The following ATRNL1 variants were observed in gnomAD, a reference collection of about 807,000 sequenced individuals.
ATRNL1 encodes attractin like 1.
In ATRNL1, 95 loss-of-function variants were observed where a neutral mutation model predicts 182.7. The observed-to-expected ratio is 0.52, with a 90% CI of 0.44 to 0.62. ATRNL1 has a LOEUF of 0.62. ATRNL1 is among the 20% of genes least tolerant of loss of function. ATRNL1 has a pLI of 0.00. For synonymous variants in ATRNL1, 576 were observed against 568.3 expected (o/e 1.01, Z -0.19); for missense variants, 1,471 against 1,679.5 (o/e 0.88, Z 2.17).
intron 26 of ATRNL1, among the ~76,000 whole-genome samples, chr10:115,669,149 A>AAAATAC (rs1945612500): frequency 1.3e-5 from 2 of 152,166 alleles, no homozygotes; most frequent in Non-Finnish European, 2.9e-5. Flanking sequence ...TAGCAAATTT[A>AAAATAC]AAGTGGTCCA....
chr10:115,638,200 G>A (rs1438320722), intron 26 of ATRNL1, among the ~76,000 whole-genome samples: 1 of 151,840 alleles, frequency 6.6e-6, no homozygotes, highest in Non-Finnish European at 1.5e-5. Flanking sequence ...TCTATATTTA[G>A]ATATGTTTAG....
chr10:115,164,579 G>A (rs1846951755), intron 6 of ATRNL1, among the ~76,000 whole-genome samples: 1 of 152,098 alleles, frequency 6.6e-6, no homozygotes, highest in South Asian at 2.1e-4. Flanking sequence ...GACTCAACAT[G>A]TGTCCATCAA....
intron 28 of ATRNL1, among the ~76,000 whole-genome samples, chr10:115,916,442 C>A (rs1555117255): frequency 6.6e-6 from 1 of 152,162 alleles, no homozygotes; most frequent in African/African-American, 2.4e-5. Context: ...CATGCACCAA[C>A]ACAGAGGCAA....
intron 20 of ATRNL1, among the ~76,000 whole-genome samples, chr10:115,425,935 A>G (rs1265071071): frequency 6.6e-6 from 1 of 152,078 alleles, no homozygotes; most frequent in African/African-American, 2.4e-5. Flanking sequence ...TCTTCTGTTT[A>G]TTAAGGCAGG....
chr10:115,552,623 A>G (rs1241864621), intron 26 of ATRNL1, among the ~76,000 whole-genome samples: 1 of 151,434 alleles, frequency 6.6e-6, no homozygotes, highest in African/African-American at 2.4e-5. Flanking sequence ...TTGTTTTCTC[A>G]TAAACATAGA....
Position 115,300,120 on chromosome 10 carries a change from A to G in ATRNL1, c.2502A>G (p.Leu834=), listed in dbSNP as rs782358857. Residue 834 remains leucine, a synonymous_variant, in exon 16 of 29, where the codon CTA becomes CTG. Coordinates refer to ENST00000355044, the MANE Select transcript of ATRNL1 (RefSeq NM_207303.4). ...EDMSPFTNTT[L]QWLPGEPNDS... is the part of the protein sequence containing the mutation. The stretch of plus-strand genomic sequence containing the variant: ...TGTCTCCTTTTACAAACACAACACT[A>G]CAGTGGCTTCCTGGCGAACCCAATG... 3.1e-6 allele frequency: 5 copies of G among 1,614,036 alleles called. No homozygotes were observed. The highest frequency in any genetic ancestry group is 2.2e-5 in the East Asian group (1 of 44,884).
At chr10:115,505,687 T>C (rs1850074658) in intron 24 of ATRNL1, among the ~76,000 whole-genome samples, 1 of 151,152 alleles carries the variant, frequency 6.6e-6, no homozygotes, top group Non-Finnish European at 1.5e-5. Flanking sequence ...GAAGAAAAAA[T>C]ATTTTGCTCA....
chr10:115,519,420 T>A, intron 25 of ATRNL1, 96 bp downstream of exon 25: 1 of 983,984 alleles, frequency 1.0e-6, no homozygotes, highest in Non-Finnish European at 1.6e-6. Flanking sequence ...TCTAAAACCT[T>A]AAAGTATCAT....
intron 27 of ATRNL1, among the ~76,000 whole-genome samples, chr10:115,760,301 C>T (rs1948703573): frequency 6.6e-6 from 1 of 151,692 alleles, no homozygotes; most frequent in African/African-American, 2.4e-5. Context: ...TGCTCTAGTA[C>T]ATGTAATATT....
At chr10:115,513,507 A>C (rs1396274665) in intron 24 of ATRNL1, among the ~76,000 whole-genome samples, 3 of 151,948 alleles carry the variant, frequency 2.0e-5, no homozygotes, top group Non-Finnish European at 4.4e-5. Flanking sequence ...TAACTGATAC[A>C]TCCAAGTACC....
intron 27 of ATRNL1, among the ~76,000 whole-genome samples, chr10:115,739,641 T>C (rs1948079925): frequency 6.6e-6 from 1 of 152,188 alleles, no homozygotes; most frequent in South Asian, 2.1e-4. Flanking sequence ...GTTTAAAACA[T>C]TAACACAAAA....
At chr10:115,168,227 G>A (rs114624137) in intron 7 of ATRNL1, among the ~76,000 whole-genome samples, 260 of 152,128 alleles carry the variant, frequency 1.7e-3, no homozygotes, top group African/African-American at 5.9e-3. Flanking sequence ...TTTATTCATC[G>A]GTTGAGGACA....
At position 115,163,949 on chromosome 10, in the gene ATRNL1, A is replaced by T. The variant is rs1264753; in HGVS notation, c.1005-1609A>T. ...GGAAATAAGTTAAACAATGCTGCAA[A>T]CAAATTTGGTAACCCTTACCTTTCT... On this transcript the variant is annotated intron_variant, in intron 6 of 28. Coordinates refer to ENST00000355044, the MANE Select transcript of ATRNL1 (RefSeq NM_207303.4). Among the ~76,000 whole-genome samples the T allele has an allele frequency of 7.2e-3, 1,097 of 152,268 alleles. 13 individuals are homozygous for T. The highest frequency in any genetic ancestry group is 0.026 in the African/African-American group (1,063 of 41,542).
chr10:115,668,722 C>G (rs1555040478), intron 26 of ATRNL1, among the ~76,000 whole-genome samples: 2 of 152,090 alleles, frequency 1.3e-5, no homozygotes. Context: ...GTGTCTTAAA[C>G]AGGTCACCAA....
At chr10:115,127,358 GA>G (rs1224336243) in intron 3 of ATRNL1, among the ~76,000 whole-genome samples, 5 of 151,948 alleles carry the variant, frequency 3.3e-5, no homozygotes, top group Admixed American at 2.6e-4. Flanking sequence ...ATAGTGATAA[GA>G]AAAAAAATGG....
intron 1 of ATRNL1, among the ~76,000 whole-genome samples, chr10:115,116,271 TAGAA>T (rs1554869928): frequency 6.6e-6 from 1 of 152,086 alleles, no homozygotes; most frequent in African/African-American, 2.4e-5. Context: ...AGAGGAATGA[TAGAA>T]AGTTTAAAAA....
chr10:115,241,254 G>A (rs1051896410), intron 9 of ATRNL1, among the ~76,000 whole-genome samples: 2 of 151,034 alleles, frequency 1.3e-5, no homozygotes, highest in African/African-American at 4.9e-5. Flanking sequence ...TGATGTTTTG[G>A]GCCTCTAGTT....
chr10:115,210,677 G>A (rs1160349600), intron 8 of ATRNL1, among the ~76,000 whole-genome samples: 1 of 151,398 alleles, frequency 6.6e-6, no homozygotes, highest in Non-Finnish European at 1.5e-5. Context: ...GCTTCCTGTG[G>A]GTTATGTGAA....
At chr10:115,218,609 G>T (rs1849321742) in intron 9 of ATRNL1, among the ~76,000 whole-genome samples, 1 of 152,164 alleles carries the variant, frequency 6.6e-6, no homozygotes, top group Non-Finnish European at 1.5e-5. Context: ...GAAAGATGGT[G>T]CTGGGAGAAA....
Sources: allele counts gnomAD v4.1 joint callset (sites outside exome capture counted in the v4.1 genomes callset), GRCh38; gene constraint gnomAD v4.1.1; transcripts MANE v1.5; gene names NCBI Gene and HGNC (gene_info 2026-07-23, HGNC 2026-07-21).